Variants in WDFY3 observed in about 807,000 individuals in gnomAD.
The protein encoded by WDFY3 is WD repeat and FYVE domain containing 3.
In WDFY3, 66 loss-of-function variants were observed where a neutral mutation model predicts 409.6. The ratio of observed to expected loss-of-function variants is 0.16; its 90% CI spans 0.13 to 0.20. The LOEUF (loss-of-function observed/expected upper bound fraction) is 0.20. Among genes scored for constraint, WDFY3 ranks in the 10% least tolerant of loss-of-function variants. The pLI, the probability that WDFY3 is intolerant of heterozygous loss-of-function variation, is 1.00. For synonymous variants in WDFY3, 1,521 were observed against 1,537.1 expected (o/e 0.99, Z 0.25); for missense variants, 3,031 against 4,298.1 (o/e 0.71, Z 8.24).
chr4:84,929,382 C>T (rs996116435), intron 2 of WDFY3, among the ~76,000 whole-genome samples: 1 of 152,048 alleles, frequency 6.6e-6, no homozygotes. Flanking sequence ...CACTCAGATT[C>T]CCGATCAACA....
chr4:84,702,695 G>A (rs1731237810), intron 55 of WDFY3, among the ~76,000 whole-genome samples, 189 bp from the exon 56 acceptor site: 1 of 152,128 alleles, frequency 6.6e-6, no homozygotes, highest in African/African-American at 2.4e-5. Flanking sequence ...TCCTTACAGA[G>A]GGTTCTCTCT....
chr4:84,799,727 C>A (rs1023470138), intron 17 of WDFY3, among the ~76,000 whole-genome samples: 1 of 152,038 alleles, frequency 6.6e-6, no homozygotes, highest in Non-Finnish European at 1.5e-5. Context: ...CAACTCCCTA[C>A]AGCAGGAAAC....
chr4:84,873,621 G>GA (rs70943377), intron 3 of WDFY3, among the ~76,000 whole-genome samples: 61,900 of 151,670 alleles, frequency 0.41, 13,207 homozygotes, highest in African/African-American at 0.52. Flanking sequence ...AAAGAAAGCA[G>GA]AAAAAAGAAA....
At chr4:84,931,140 G>A (rs1399235451) in intron 2 of WDFY3, among the ~76,000 whole-genome samples, 1 of 152,036 alleles carries the variant, frequency 6.6e-6, no homozygotes, top group East Asian at 1.9e-4. Context: ...TTCCACTGGG[G>A]GTCTTGGAAC....
rs754764741 is a variant in WDFY3 at position 84,794,588 on chromosome 4, C to A, written c.3418G>T (p.Ala1140Ser). Residue 1140 changes from alanine (A) to serine (S), a missense_variant, in exon 21 of 68, where the codon GCA becomes TCA. Ala to Ser is a moderately conservative substitution (Grantham distance 99). This residue lies in a region of WDFY3 where 1,322 missense variants were observed against 1,697.9 expected (regional missense o/e 0.78). Coordinates refer to ENST00000295888, the MANE Select transcript of WDFY3 (RefSeq NM_014991.6). ...CGGTCTTTTGCTGATAGAACTATTG[C>A]AAGGCACACGTAATGTTGCTCAGAA... ...NSSEQHYVCLAIVLSAKDRSL... is the reference protein window; with the variant it reads ...NSSEQHYVCLSIVLSAKDRSL... 1.2e-6 allele frequency: 2 copies of A among 1,613,940 alleles called. No individual in the cohort carries two copies. The highest frequency in any genetic ancestry group is 1.7e-6 in the Non-Finnish European group (2 of 1,179,992).
chr4:84,936,357 C>CA (rs1479149925), intron 1 of WDFY3, among the ~76,000 whole-genome samples: 1 of 151,892 alleles, frequency 6.6e-6, no homozygotes, highest in Non-Finnish European at 1.5e-5. Context: ...CCCATCTCTA[C>CA]AAAAAATTTA....
chr4:84,761,783 C>G (rs1486505844), intron 32 of WDFY3, among the ~76,000 whole-genome samples: 1 of 152,034 alleles, frequency 6.6e-6, no homozygotes, highest in African/African-American at 2.4e-5. Context: ...ACAAACAACC[C>G]CATCAAAAAG....
chr4:84,957,314 T>C (rs1336381178), intron 1 of WDFY3, among the ~76,000 whole-genome samples: 1 of 148,892 alleles, frequency 6.7e-6, no homozygotes, highest in Non-Finnish European at 1.5e-5. Flanking sequence ...CTTCTCACAA[T>C]GGACTATAAC....
intron 47 of WDFY3, among the ~76,000 whole-genome samples, chr4:84,720,187 G>A (rs1479755101): frequency 6.6e-6 from 1 of 152,054 alleles, no homozygotes; most frequent in Non-Finnish European, 1.5e-5. Flanking sequence ...CATCTAGGAC[G>A]AGAAAGAAAG....
chr4:84,819,664 G>C (rs530656545), intron 12 of WDFY3, among the ~76,000 whole-genome samples: 29 of 152,120 alleles, frequency 1.9e-4, no homozygotes, highest in Admixed American at 7.9e-4. Flanking sequence ...GAGAGATTAC[G>C]TTTTATTAGA....
At chr4:84,952,470 G>C (rs1246625737) in intron 1 of WDFY3, among the ~76,000 whole-genome samples, 1 of 152,118 alleles carries the variant, frequency 6.6e-6, no homozygotes, top group East Asian at 1.9e-4. Context: ...CTGCTATACT[G>C]AATGACCTGA....
chr4:84,689,887 C>T (rs1306931144), intron 61 of WDFY3, among the ~76,000 whole-genome samples: 1 of 152,134 alleles, frequency 6.6e-6, no homozygotes, highest in Non-Finnish European at 1.5e-5. Context: ...ATTAAAAATA[C>T]TTAGATATAT....
Position 84,794,739 on chromosome 4 carries a change from T to C in WDFY3, c.3269-2A>G. 6.3e-7 allele frequency: 1 copy of C among 1,599,750 alleles called. No homozygotes were observed. The highest frequency in any genetic ancestry group is 8.5e-7 in the Non-Finnish European group (1 of 1,175,000). On this transcript the variant is annotated splice_acceptor_variant, in intron 20 of 67. Coordinates refer to ENST00000295888, the MANE Select transcript of WDFY3 (RefSeq NM_014991.6). LOFTEE classifies it high-confidence loss of function. ...AGGGAGGAGGGAAGAATCTTTCACC[T>C]ACAGTAAAAATTAAAAAAAAAAGTC... is the stretch of plus-strand genomic sequence containing the variant.
In WDFY3 at chr4:84,830,304, T is replaced by C. The variant is rs185103513; in HGVS notation, c.769+1109A>G. Among the ~76,000 whole-genome samples, 978 of 152,310 alleles carry C rather than the reference T, an allele frequency of 6.4e-3. 10 individuals carry two copies. Among genetic ancestry groups the C allele is most frequent in the Non-Finnish European group, 0.011 (782 of 68,002 alleles). On this transcript the variant is annotated intron_variant, in intron 8 of 67. Coordinates refer to ENST00000295888, the MANE Select transcript of WDFY3 (RefSeq NM_014991.6). ...ATAGAAACTGTACTTTATGTAACCATATAAGCATTGTTTTCCACTTTCAGA... is the reference window on the plus strand; with the variant it reads ...ATAGAAACTGTACTTTATGTAACCACATAAGCATTGTTTTCCACTTTCAGA...
At chr4:84,780,055 C>G in intron 26 of WDFY3, 53 bp downstream of exon 26, 1 of 1,460,688 alleles carries the variant, frequency 6.8e-7, no homozygotes, top group Non-Finnish European at 9.1e-7. Flanking sequence ...AATAAAAAAG[C>G]AGAGTATTTT....
At chr4:84,708,247 T>C (rs1449100827) in intron 53 of WDFY3, among the ~76,000 whole-genome samples, 1 of 152,218 alleles carries the variant, frequency 6.6e-6, no homozygotes, top group Non-Finnish European at 1.5e-5. Context: ...ATAAAAAATT[T>C]CTTTTATATG....
intron 1 of WDFY3, among the ~76,000 whole-genome samples, chr4:84,961,535 A>G (rs1774916801): frequency 6.6e-6 from 1 of 152,222 alleles, no homozygotes; most frequent in South Asian, 2.1e-4. Context: ...CCTAATGATT[A>G]TTCCTTTACA....
intron 3 of WDFY3, among the ~76,000 whole-genome samples, chr4:84,885,330 ATGTGTGTGTGTGTGTG>A (rs70943380): frequency 3.4e-5 from 5 of 145,552 alleles, no homozygotes; most frequent in Admixed American, 1.4e-4. Context: ...ACATATACAT[ATGTGTGTGTGTGTGTG>A]TGTGTGTGTG....
chr4:84,797,907 T>C, intron 18 of WDFY3, 89 bp downstream of exon 18: 1 of 1,250,994 alleles, frequency 8.0e-7, no homozygotes, highest in Non-Finnish European at 1.1e-6. Flanking sequence ...TTCTCTTTCT[T>C]TGCTTTCACA....
Sources: allele counts gnomAD v4.1 joint callset (sites outside exome capture counted in the v4.1 genomes callset), GRCh38; gene constraint gnomAD v4.1.1; regional missense constraint gnomAD v4.1.1; transcripts MANE v1.5; gene names NCBI Gene and HGNC (gene_info 2026-07-23, HGNC 2026-07-21).